The following STAMBP variants were observed in gnomAD, a reference collection of about 807,000 sequenced individuals.
The protein encoded by STAMBP is STAM binding protein.
STAMBP carries 31 observed loss-of-function variants against 50.7 expected under a neutral mutation model. The ratio of observed to expected loss-of-function variants is 0.61; its 90% confidence interval spans 0.46 to 0.83. STAMBP has a LOEUF of 0.83. Ranked by LOEUF, STAMBP falls within the 40% of genes least tolerant of loss-of-function variation. STAMBP has a pLI of 0.00. For missense variants in STAMBP, 472 were observed against 518.9 expected (o/e 0.91, Z 0.88); for synonymous variants, 211 against 192.4 (o/e 1.10, Z -0.80).
chr2:73,836,406 G>A lies in STAMBP; in HGVS notation c.203+5347G>A, dbSNP rs147013499. 7.0e-4 allele frequency among the ~76,000 whole-genome samples: 107 copies of A among 152,332 alleles called. 1 individual carries two copies. In the East Asian group the frequency reaches 0.016, roughly 23 times the overall value. ...GCAGCCTCCCCCTCCCCTCCACCCC[G>A]TGGTGCCCGCGCTGCCCTCAAGGTG... is the stretch of plus-strand genomic sequence containing the variant. On this transcript the variant is annotated intron_variant, in intron 2 of 9. Transcript: ENST00000394070.
At chr2:73,870,527 C>T (rs1403367354), downstream of STAMBP, among the ~76,000 whole-genome samples, 1 of 152,150 alleles carries the variant, frequency 6.6e-6, no homozygotes, top group African/African-American at 2.4e-5. Context: ...CCCACCGTGG[C>T]CCAGGGTTAT....
chr2:73,845,238 A>G lies in STAMBP; in HGVS notation c.351A>G (p.Glu117=), dbSNP rs749146871. The change falls in exon 4 of 10, where the codon GAA becomes GAG. Residue 117 remains glutamate (E), a synonymous_variant. Coordinates refer to ENST00000394070, the MANE Select transcript of STAMBP (RefSeq NM_213622.4). ...AGCTGTTAAAACGATATACCAAAGA[A>G]TATACAGAATATAATGAAGAAAAGG... ...KAELLKRYTK[E]YTEYNEEKKK... is the part of the protein sequence containing the mutation. 3.7e-6 allele frequency: 6 copies of G among 1,613,510 alleles called. No individual in the cohort carries two copies. The highest frequency in any genetic ancestry group is 5.1e-6 in the Non-Finnish European group (6 of 1,179,584).
chr2:73,857,940 C>T (rs1324283303), intron 7 of STAMBP, among the ~76,000 whole-genome samples: 3 of 152,010 alleles, frequency 2.0e-5, no homozygotes, highest in Admixed American at 6.6e-5. Context: ...TCCTTCACCA[C>T]AGACAGCTCT....
rs1020586131 is a variant in STAMBP, at chr2:73,865,882, T to G, written c.*3623T>G. 6.6e-6 allele frequency: 1 copy of G among 152,254 alleles called. No homozygotes were observed. The highest frequency in any genetic ancestry group is 6.5e-5 in the Admixed American group (1 of 15,292). 9.4% of individuals were successfully genotyped at this position (152,254 alleles called of 1,614,324 possible). A position where few individuals can be genotyped will look rare whatever the true frequency, so the allele number is the denominator to read the frequency against. On this transcript the variant is annotated 3_prime_UTR_variant, in exon 10 of 10. Coordinates refer to ENST00000394070, the MANE Select transcript of STAMBP (RefSeq NM_213622.4). Reference sequence around the variant, plus strand: ...GCTAGGCTTTGACTCCAAAGCTATCTGGTCTACCTTGATGTTCTGAGCAGG... The same window carrying G: ...GCTAGGCTTTGACTCCAAAGCTATCGGGTCTACCTTGATGTTCTGAGCAGG...
intron 7 of STAMBP, among the ~76,000 whole-genome samples, chr2:73,852,229 T>G (rs1410802592): frequency 1.3e-5 from 2 of 151,922 alleles, no homozygotes; most frequent in African/African-American, 4.8e-5. Context: ...TTTCAGAGGA[T>G]TTGGGAAATG....
At chr2:73,842,550 A>G (rs1193477399) in intron 2 of STAMBP, among the ~76,000 whole-genome samples, 1 of 152,182 alleles carries the variant, frequency 6.6e-6, no homozygotes, top group Non-Finnish European at 1.5e-5. Context: ...TGTATAGCTC[A>G]TATTTATTTC....
chr2:73,832,965 T>G (rs1374695294), intron 2 of STAMBP, among the ~76,000 whole-genome samples: 6 of 152,162 alleles, frequency 3.9e-5, no homozygotes, highest in Non-Finnish European at 5.9e-5. Flanking sequence ...GGAGAAAACC[T>G]TAGACAAGTT....
At chr2:73,844,124 GAATT>G (rs1475938514) in intron 2 of STAMBP, among the ~76,000 whole-genome samples, 2 of 152,154 alleles carry the variant, frequency 1.3e-5, no homozygotes, top group Non-Finnish European at 2.9e-5. Flanking sequence ...AGAGATTTGT[GAATT>G]AATTAAGTTT....
At chr2:73,846,569 G>T (rs564648398) in intron 4 of STAMBP, among the ~76,000 whole-genome samples, 1 of 151,694 alleles carries the variant, frequency 6.6e-6, no homozygotes, top group Non-Finnish European at 1.5e-5. Flanking sequence ...TGAGGCTGCA[G>T]TGAGCCATGA....
downstream of STAMBP, among the ~76,000 whole-genome samples, chr2:73,871,442 G>A (rs1391689125): frequency 6.6e-6 from 1 of 151,908 alleles, no homozygotes; most frequent in African/African-American, 2.4e-5. Context: ...CAGCTACTCA[G>A]GAGGCTGAGA....
chr2:73,842,369 T>G (rs1365928725), intron 2 of STAMBP, among the ~76,000 whole-genome samples: 1 of 152,174 alleles, frequency 6.6e-6, no homozygotes, highest in Non-Finnish European at 1.5e-5. Context: ...GTCTGAATTG[T>G]CCCCAGTCTG....
chr2:73,829,711 A>G (rs932224545), intron 1 of STAMBP, among the ~76,000 whole-genome samples: 1 of 152,194 alleles, frequency 6.6e-6, no homozygotes, highest in Non-Finnish European at 1.5e-5. Flanking sequence ...TTAGAGGGGA[A>G]GGTTTGTGGA....
At chr2:73,852,845 TTGTGTGTGTGTGTG>T (rs55727735) in intron 7 of STAMBP, among the ~76,000 whole-genome samples, 164 of 127,686 alleles carry the variant, frequency 1.3e-3, no homozygotes, top group African/African-American at 4.7e-3. Context: ...GCCTGGCTAA[TTGTGTGTGTGTGTG>T]TGTGTGTGTG....
chr2:73,848,118 G>C (rs1037320383), intron 5 of STAMBP, among the ~76,000 whole-genome samples: 1 of 152,080 alleles, frequency 6.6e-6, no homozygotes, highest in Non-Finnish European at 1.5e-5. Context: ...TAGCAATTCA[G>C]ATCTTGCTGT....
intron 2 of STAMBP, among the ~76,000 whole-genome samples, chr2:73,832,763 G>A (rs901265672): frequency 6.6e-6 from 1 of 152,034 alleles, no homozygotes; most frequent in Non-Finnish European, 1.5e-5. Context: ...CCCCCTCCCC[G>A]CAGTGTGACA....
At chr2:73,867,502 C>G (rs1679002243), downstream of STAMBP, among the ~76,000 whole-genome samples, 1 of 152,046 alleles carries the variant, frequency 6.6e-6, no homozygotes, top group African/African-American at 2.4e-5. Flanking sequence ...CAAGATCACG[C>G]CATTGCACTC....
Position 73,850,500 on chromosome 2 carries a change from TG to T in STAMBP, c.995del (p.Gly332AlafsTer26). The stretch of plus-strand genomic sequence containing the variant: ...CAGGATCAGCAGGGCCTCATCACAC[TG>T]GGCTGGATTCATGTAAGCAATTCTG... ...LIQDQQGLIT[L>X]GWIHTHPTQT... On this transcript the variant is annotated frameshift_variant, in exon 7 of 10. Transcript: ENST00000394070. LOFTEE classifies it high-confidence loss of function. The surrounding 1 kb of genome is among the most constrained non-coding windows in gnomAD (Gnocchi z 4.3). The T allele has an allele frequency of 6.2e-7, 1 of 1,613,360 alleles. No homozygotes were observed. Among genetic ancestry groups the T allele is most frequent in the Non-Finnish European group, 8.5e-7 (1 of 1,179,686 alleles).
At chr2:73,856,400 A>G (rs1677554665) in intron 7 of STAMBP, among the ~76,000 whole-genome samples, 1 of 152,254 alleles carries the variant, frequency 6.6e-6, no homozygotes, top group African/African-American at 2.4e-5. Context: ...AATATTGGGT[A>G]TGTACCATCT....
At chr2:73,842,821 T>C (rs1675564680) in intron 2 of STAMBP, among the ~76,000 whole-genome samples, 1 of 152,212 alleles carries the variant, frequency 6.6e-6, no homozygotes, top group Admixed American at 6.5e-5. Context: ...TACAAGGCAC[T>C]GTGCTGGCTT....
Sources: gnomAD v4.1 joint callset for allele counts (sites outside exome capture counted in the v4.1 genomes callset) on GRCh38, gnomAD v4.1.1 for gene constraint, Gnocchi (gnomAD v3.1) non-coding constraint, MANE v1.5 for transcripts, NCBI Gene and HGNC (gene_info 2026-07-23, HGNC 2026-07-21) for gene names.